Variants in RAB28 observed in about 807,000 individuals in gnomAD.
The protein encoded by RAB28 is ras-related protein Rab-28.
In RAB28, 24 loss-of-function variants were observed where a neutral mutation model predicts 31.7. The observed-to-expected ratio is 0.76, with a 90% CI of 0.55 to 1.06. The LOEUF (loss-of-function observed/expected upper bound fraction) is 1.06. RAB28 is among the 50% of genes least tolerant of loss of function. The probability of loss-of-function intolerance (pLI) is 0.00; values close to 1 mark genes in which losing one functional copy is unlikely to be tolerated. For synonymous variants in RAB28, 100 were observed against 90.4 expected, an observed-to-expected ratio of 1.11 and a Z score of -0.60; for missense variants, 254 against 258.5, an observed-to-expected ratio of 0.98 and a Z score of 0.12.
At chr4:13,454,712 A>G (rs1040844328) in intron 4 of RAB28, among the ~76,000 whole-genome samples, 2 of 152,198 alleles carry the variant, frequency 1.3e-5, no homozygotes, top group Non-Finnish European at 2.9e-5. Context: ...GTCAGGGTGC[A>G]TACATGCACA....
At chr4:13,370,417 T>C (rs866785815) in intron 6 of RAB28, 1 of 846,998 alleles carries the variant, frequency 1.2e-6, no homozygotes. Context: ...CCAGTCACTC[T>C]ATACTGTGAA....
intron 6 of RAB28, among the ~76,000 whole-genome samples, chr4:13,375,768 AACACACACACAC>A (rs377543521): frequency 1.4e-5 from 2 of 148,068 alleles, no homozygotes; most frequent in Non-Finnish European, 3.0e-5. Context: ...ATTGTTTTAA[AACACACACACAC>A]ACACACACAC....
At chr4:13,387,673 G>T (rs930663923) in intron 4 of RAB28, among the ~76,000 whole-genome samples, 1 of 151,940 alleles carries the variant, frequency 6.6e-6, no homozygotes, top group African/African-American at 2.4e-5. Flanking sequence ...CTTCAACAAT[G>T]AAATCTGAAG....
intron 5 of RAB28, among the ~76,000 whole-genome samples, chr4:13,377,743 G>C (rs1332329974): frequency 6.6e-6 from 1 of 152,160 alleles, no homozygotes; most frequent in Non-Finnish European, 1.5e-5. Context: ...AATCAGCAAA[G>C]AAACTAATGT....
At chr4:13,407,576 T>C (rs1264193558) in intron 4 of RAB28, among the ~76,000 whole-genome samples, 4 of 152,230 alleles carry the variant, frequency 2.6e-5, no homozygotes, top group African/African-American at 9.6e-5. Flanking sequence ...GGGATGGCAT[T>C]GAATCTATAA....
chr4:13,475,642 A>G (rs548889943), intron 2 of RAB28, among the ~76,000 whole-genome samples: 1 of 151,646 alleles, frequency 6.6e-6, no homozygotes, highest in South Asian at 2.1e-4. Context: ...GAGGATTTCC[A>G]TGAGGAACTT....
intron 4 of RAB28, among the ~76,000 whole-genome samples, chr4:13,417,717 A>G (rs1712875261): frequency 6.6e-6 from 1 of 152,232 alleles, no homozygotes. Flanking sequence ...AACAAAAAGG[A>G]CATCCACACC....
At chr4:13,375,801 A>C (rs1481941348) in intron 6 of RAB28, among the ~76,000 whole-genome samples, 6 of 141,706 alleles carry the variant, frequency 4.2e-5, no homozygotes, top group African/African-American at 1.7e-4. Flanking sequence ...ACACAGAGAG[A>C]GAGAGAGACC....
intron 2 of RAB28, among the ~76,000 whole-genome samples, chr4:13,477,089 T>C (rs1716394604): frequency 6.6e-6 from 1 of 151,512 alleles, no homozygotes. Context: ...TAGAACGCTG[T>C]TTACTGGACT....
intron 3 of RAB28, 29 bp downstream of exon 3, chr4:13,474,289 T>C (rs768873884): frequency 7.1e-7 from 1 of 1,412,816 alleles, no homozygotes; most frequent in Non-Finnish European, 1.0e-6. Context: ...ATACTTTCAA[T>C]ACTGGAATAA....
chr4:13,477,379 T>C (rs545172740), intron 2 of RAB28, among the ~76,000 whole-genome samples: 52 of 151,684 alleles, frequency 3.4e-4, no homozygotes, highest in Admixed American at 5.3e-4. Flanking sequence ...TAGTAACAAA[T>C]ATTAGATTCA....
At chr4:13,408,240 A>C (rs1031388370) in intron 4 of RAB28, among the ~76,000 whole-genome samples, 1 of 152,136 alleles carries the variant, frequency 6.6e-6, no homozygotes, top group Admixed American at 6.6e-5. Context: ...GAATTTTGTC[A>C]AAGGCCTTTT....
chr4:13,429,854 T>A (rs556945285), intron 4 of RAB28, among the ~76,000 whole-genome samples: 1 of 152,244 alleles, frequency 6.6e-6, no homozygotes, highest in African/African-American at 2.4e-5. Flanking sequence ...GAGAGAACCA[T>A]ACTTCCTGAT....
chr4:13,447,814 A>G (rs1289840645), intron 4 of RAB28, among the ~76,000 whole-genome samples: 4 of 152,210 alleles, frequency 2.6e-5, no homozygotes, highest in Non-Finnish European at 5.9e-5. Flanking sequence ...ATTGAATGAT[A>G]AAATACAGCC....
intron 4 of RAB28, among the ~76,000 whole-genome samples, chr4:13,438,906 G>T (rs2108938902): frequency 6.6e-6 from 1 of 152,058 alleles, no homozygotes; most frequent in South Asian, 2.1e-4. Flanking sequence ...AATATATGAG[G>T]GTTCCAAGTT....
At chr4:13,443,503 T>C (rs921536344) in intron 4 of RAB28, among the ~76,000 whole-genome samples, 1 of 152,244 alleles carries the variant, frequency 6.6e-6, no homozygotes, top group African/African-American at 2.4e-5. Flanking sequence ...TATGTGCTAC[T>C]AAATCATAAG....
intron 4 of RAB28, among the ~76,000 whole-genome samples, chr4:13,444,077 G>A (rs1053509863): frequency 3.3e-5 from 5 of 151,008 alleles, no homozygotes; most frequent in Non-Finnish European, 7.4e-5. Flanking sequence ...ACCCAGGCTG[G>A]AGTGCAGTGG....
chr4:13,473,363 T>C (rs1477575595), intron 3 of RAB28, among the ~76,000 whole-genome samples: 1 of 151,812 alleles, frequency 6.6e-6, no homozygotes, highest in Non-Finnish European at 1.5e-5. Flanking sequence ...AGATACACAC[T>C]AATTAAAAGT....
intron 4 of RAB28, among the ~76,000 whole-genome samples, chr4:13,452,351 G>C (rs1046750201): frequency 6.6e-6 from 1 of 151,496 alleles, no homozygotes; most frequent in Admixed American, 6.6e-5. Flanking sequence ...CTATTTCCTT[G>C]AGATTCATTG....
Sources: gnomAD v4.1 joint callset for allele counts (sites outside exome capture counted in the v4.1 genomes callset) on GRCh38, gnomAD v4.1.1 for gene constraint, MANE v1.5 for transcripts, NCBI Gene and HGNC (gene_info 2026-07-23, HGNC 2026-07-21) for gene names.